The following COLEC12 variants were observed in gnomAD, a reference collection of about 807,000 sequenced individuals.
COLEC12 encodes collectin subfamily member 12.
In COLEC12, 33 loss-of-function variants were observed where a neutral mutation model predicts 71.1. That is an observed-to-expected ratio of 0.46 (90% CI 0.35 to 0.62). COLEC12 has a LOEUF of 0.62. COLEC12 is among the 20% of genes least tolerant of loss of function. COLEC12 has a pLI of 0.00. For missense variants in COLEC12, 765 were observed against 916.1 expected (o/e 0.84, Z 2.13); for synonymous variants, 350 against 353.0 (o/e 0.99, Z 0.10).
chr18:430,993 C>CATTTT (rs1490121784), intron 2 of COLEC12, among the ~76,000 whole-genome samples: 2 of 151,942 alleles, frequency 1.3e-5, no homozygotes, highest in Non-Finnish European at 2.9e-5. Context: ...CTGGCCCACA[C>CATTTT]ATTTTATTTT....
chr18:445,806 A>AT (rs1174078884), intron 2 of COLEC12, among the ~76,000 whole-genome samples: 2 of 151,818 alleles, frequency 1.3e-5, no homozygotes, highest in African/African-American at 2.4e-5. Flanking sequence ...CTAATTTTTT[A>AT]TTTTTTGTAG....
chr18:496,926 A>T (rs1158123912), intron 1 of COLEC12, among the ~76,000 whole-genome samples: 3 of 152,238 alleles, frequency 2.0e-5, no homozygotes, highest in Non-Finnish European at 4.4e-5. Context: ...TAGAGGAGTC[A>T]GATTCCTTCG....
At chr18:418,242 T>G (rs1916027878) in intron 2 of COLEC12, among the ~76,000 whole-genome samples, 1 of 152,204 alleles carries the variant, frequency 6.6e-6, no homozygotes, top group Admixed American at 6.5e-5. Context: ...CTTTGTAAGT[T>G]TAAGAGCCAC....
intron 2 of COLEC12, among the ~76,000 whole-genome samples, chr18:371,598 T>G (rs1915000994): frequency 6.6e-6 from 1 of 152,142 alleles, no homozygotes; most frequent in African/African-American, 2.4e-5. Context: ...GAAACAATTT[T>G]TTTTTAAAGA....
rs1255196413 is a variant in COLEC12, at chr18:398,443, T to C, written c.59-40921A>G. Among the ~76,000 whole-genome samples, 3 of 152,348 alleles carry C rather than the reference T, an allele frequency of 2.0e-5. No individual in the cohort carries two copies. The East Asian group carries it at 5.8e-4, about 29-fold the overall frequency. ...ATGGTAAAAACACAAGATCAGCGCATTTCTCCAATGTTGCCAGGCAAGGAT... is the reference window on the plus strand; with the variant it reads ...ATGGTAAAAACACAAGATCAGCGCACTTCTCCAATGTTGCCAGGCAAGGAT... On this transcript the variant is annotated intron_variant, in intron 2 of 9. Transcript: ENST00000400256.
At position 341,962 on chromosome 18, in the gene COLEC12, T is replaced by C. The variant is rs567484317; in HGVS notation, c.1327+4333A>G. ...CAGAGGAACAGCCCAGGAGGTGGAG[T>C]GATCTTTGTACCTAGAAGCATGTGT... On this transcript the variant is annotated intron_variant, in intron 5 of 9. Transcript: ENST00000400256. Among the ~76,000 whole-genome samples the C allele has an allele frequency of 8.9e-4, 135 of 152,206 alleles. 2 individuals are homozygous for C. In the South Asian group the frequency reaches 0.012, roughly 14 times the overall value.
chr18:461,964 T>C (rs975675835), intron 2 of COLEC12, among the ~76,000 whole-genome samples: 2 of 152,252 alleles, frequency 1.3e-5, no homozygotes, highest in African/African-American at 2.4e-5. Flanking sequence ...AATGACGTCA[T>C]ATCTAAAACC....
At chr18:412,679 A>T (rs1413613744) in intron 2 of COLEC12, among the ~76,000 whole-genome samples, 1 of 152,172 alleles carries the variant, frequency 6.6e-6, no homozygotes, top group Non-Finnish European at 1.5e-5. Flanking sequence ...AACATATTAT[A>T]AATGGAAAGG....
intron 2 of COLEC12, among the ~76,000 whole-genome samples, chr18:369,417 T>G (rs1438244787): frequency 7.0e-6 from 1 of 142,742 alleles, no homozygotes; most frequent in African/African-American, 2.6e-5. Flanking sequence ...ATTTTTATTT[T>G]TATTTTTATT....
At chr18:330,847 A>G (rs556817380) in intron 8 of COLEC12, among the ~76,000 whole-genome samples, 87 of 148,168 alleles carry the variant, frequency 5.9e-4, no homozygotes, top group African/African-American at 2.1e-3. Context: ...TTAACTTACT[A>G]TGAGTAGGAA....
chr18:404,542 G>A (rs1375841204), intron 2 of COLEC12, among the ~76,000 whole-genome samples: 2 of 152,172 alleles, frequency 1.3e-5, no homozygotes, highest in Non-Finnish European at 2.9e-5. Context: ...GTGGTGTTGT[G>A]GGAAGTTAGG....
intron 2 of COLEC12, among the ~76,000 whole-genome samples, chr18:407,013 C>G (rs573341115): frequency 6.6e-6 from 1 of 152,228 alleles, no homozygotes; most frequent in African/African-American, 2.4e-5. Flanking sequence ...GTCCTGTGTT[C>G]CCTGATCTCA....
At position 327,503 on chromosome 18, in the gene COLEC12, T is replaced by C. The variant is rs1196676744; in HGVS notation, c.2063+4165A>G. Among the ~76,000 whole-genome samples, 1 of 152,180 alleles carries C rather than the reference T, an allele frequency of 6.6e-6. No homozygotes were observed. Among genetic ancestry groups the C allele is most frequent in the Non-Finnish European group, 1.5e-5 (1 of 68,034 alleles). ...AGAAAGAGCCATAAGATTCAGCAAG[T>C]CAGGTTGAGTGTTTCATGGGAAATA... On this transcript the variant is annotated intron_variant, in intron 8 of 9. Transcript: ENST00000400256. The surrounding 1 kb of genome is among the most constrained non-coding windows in gnomAD (Gnocchi z 4.0).
At chr18:436,300 C>T (rs980518888) in intron 2 of COLEC12, among the ~76,000 whole-genome samples, 7 of 152,122 alleles carry the variant, frequency 4.6e-5, no homozygotes, top group African/African-American at 1.7e-4. Context: ...CACTTGAGCT[C>T]ACACGTTTGA....
At chr18:444,053 T>C (rs1389070918) in intron 2 of COLEC12, among the ~76,000 whole-genome samples, 1 of 152,196 alleles carries the variant, frequency 6.6e-6, no homozygotes, top group Non-Finnish European at 1.5e-5. Flanking sequence ...GGTACAACCA[T>C]GAGCCAATTA....
chr18:442,193 CAG>C (rs1408824089), intron 2 of COLEC12, among the ~76,000 whole-genome samples: 1 of 152,082 alleles, frequency 6.6e-6, no homozygotes, highest in Non-Finnish European at 1.5e-5. Flanking sequence ...GACGAAGTTA[CAG>C]AGGTGTGAAA....
chr18:375,320 G>A (rs1245514750), intron 2 of COLEC12, among the ~76,000 whole-genome samples: 2 of 152,202 alleles, frequency 1.3e-5, no homozygotes, highest in Non-Finnish European at 2.9e-5. Flanking sequence ...GCCTTTGCAT[G>A]GGCCGTTTCC....
At chr18:414,489 T>C (rs1396422477) in intron 2 of COLEC12, among the ~76,000 whole-genome samples, 2 of 152,010 alleles carry the variant, frequency 1.3e-5, no homozygotes, top group Admixed American at 1.3e-4. Context: ...TCCTAGCTAC[T>C]TGGGAGGCTG....
intron 2 of COLEC12, among the ~76,000 whole-genome samples, chr18:443,066 G>A (rs1916576782): frequency 6.6e-6 from 1 of 152,228 alleles, no homozygotes; most frequent in Non-Finnish European, 1.5e-5. Flanking sequence ...TGTCAAGACT[G>A]TCTTATATAG....
Sources: allele counts gnomAD v4.1 joint callset (sites outside exome capture counted in the v4.1 genomes callset), GRCh38; gene constraint gnomAD v4.1.1; non-coding constraint Gnocchi (gnomAD v3.1); transcripts MANE v1.5; gene names NCBI Gene and HGNC (gene_info 2026-07-23, HGNC 2026-07-21).